The following MAPKAP1 variants were observed in gnomAD, a reference collection of about 807,000 sequenced individuals.
The protein encoded by MAPKAP1 is target of rapamycin complex 2 subunit MAPKAP1.
Under a neutral mutation model 65.7 loss-of-function variants are expected in MAPKAP1, and 20 were observed. That is an observed-to-expected ratio of 0.30 (90% CI 0.21 to 0.44). The LOEUF is 0.44. Among genes scored for constraint, MAPKAP1 ranks in the 20% least tolerant of loss-of-function variants. The pLI, the probability that MAPKAP1 is intolerant of heterozygous loss-of-function variation, is 1.00. For synonymous variants in MAPKAP1, 222 were observed against 244.3 expected, an observed-to-expected ratio of 0.91 and a Z score of 0.85; for missense variants, 423 against 648.0, an observed-to-expected ratio of 0.65 and a Z score of 3.77.
intron 9 of MAPKAP1, among the ~76,000 whole-genome samples, chr9:125,469,213 C>T (rs529663385): frequency 2.0e-5 from 3 of 151,854 alleles, no homozygotes; most frequent in Non-Finnish European, 4.4e-5. Flanking sequence ...ATTAAAATAA[C>T]CAAATGTACA....
At chr9:125,655,803 C>T (rs557776807) in intron 4 of MAPKAP1, among the ~76,000 whole-genome samples, 222 of 152,346 alleles carry the variant, frequency 1.5e-3, no homozygotes, top group African/African-American at 5.2e-3. Flanking sequence ...ATAATGGTGA[C>T]TGCTCTGCAC....
At chr9:125,483,684 C>T (rs1299991939) in intron 9 of MAPKAP1, among the ~76,000 whole-genome samples, 1 of 152,118 alleles carries the variant, frequency 6.6e-6, no homozygotes, top group Non-Finnish European at 1.5e-5. Flanking sequence ...AGGGTTTGCT[C>T]CTGGCACCAC....
intron 10 of MAPKAP1, among the ~76,000 whole-genome samples, chr9:125,453,064 A>G (rs1301611261): frequency 6.6e-6 from 1 of 152,086 alleles, no homozygotes; most frequent in Non-Finnish European, 1.5e-5. Flanking sequence ...TTATTTATTT[A>G]TTTATTTTTC....
rs181158557 is a variant in MAPKAP1, at chr9:125,492,097, G to A, written c.1067-7514C>T. On this transcript the variant is annotated intron_variant, in intron 8 of 11. Coordinates refer to ENST00000265960, the MANE Select transcript of MAPKAP1 (RefSeq NM_001006617.3). ...TGCACACCTGTAGTCCCAGCTGCTCGGGAGGTAGAGATGAGAGGATCACTT... is the reference window on the plus strand; with the variant it reads ...TGCACACCTGTAGTCCCAGCTGCTCAGGAGGTAGAGATGAGAGGATCACTT... 4.5e-3 allele frequency among the ~76,000 whole-genome samples: 678 copies of A among 151,442 alleles called. 4 individuals are homozygous for A. The highest frequency in any genetic ancestry group is 0.015 in the African/African-American group (633 of 41,274).
chr9:125,464,530 CAAAT>C (rs1367985185), intron 10 of MAPKAP1, among the ~76,000 whole-genome samples: 1 of 152,168 alleles, frequency 6.6e-6, no homozygotes, highest in Non-Finnish European at 1.5e-5. Context: ...CACAGATTCT[CAAAT>C]AACTCTTTTA....
At chr9:125,441,811 CTAAG>C (rs1347082036) in intron 11 of MAPKAP1, among the ~76,000 whole-genome samples, 1 of 152,118 alleles carries the variant, frequency 6.6e-6, no homozygotes. Context: ...GTGGATAAAA[CTAAG>C]TATTCCAATT....
At chr9:125,544,140 A>T (rs1830349556) in intron 6 of MAPKAP1, among the ~76,000 whole-genome samples, 1 of 152,022 alleles carries the variant, frequency 6.6e-6, no homozygotes, top group South Asian at 2.1e-4. Context: ...CCTCTCCAGG[A>T]GCTGAGATTA....
chr9:125,521,146 T>C (rs1235721008), intron 7 of MAPKAP1, among the ~76,000 whole-genome samples: 1 of 152,232 alleles, frequency 6.6e-6, no homozygotes, highest in African/African-American at 2.4e-5. Flanking sequence ...GCCTCATATA[T>C]GCGGTTGTAG....
chr9:125,572,276 G>C (rs1271685411), intron 5 of MAPKAP1, among the ~76,000 whole-genome samples: 1 of 152,082 alleles, frequency 6.6e-6, no homozygotes, highest in Admixed American at 6.5e-5. Flanking sequence ...TCAACTAATA[G>C]GTATTTGAGG....
intron 1 of MAPKAP1, among the ~76,000 whole-genome samples, chr9:125,682,544 C>T (rs187005275): frequency 2.0e-5 from 3 of 152,330 alleles, no homozygotes; most frequent in South Asian, 4.1e-4. Context: ...CCAGCTGTTA[C>T]AAGAAATCTG....
chr9:125,446,033 A>T (rs1852700870), intron 10 of MAPKAP1, among the ~76,000 whole-genome samples: 1 of 152,170 alleles, frequency 6.6e-6, no homozygotes, highest in African/African-American at 2.4e-5. Flanking sequence ...CCTTTCTATT[A>T]GTCCTTCTCA....
intron 1 of MAPKAP1, chr9:125,696,186 T>C (rs1218706937): frequency 6.6e-6 from 1 of 151,782 alleles, no homozygotes; most frequent in Non-Finnish European, 1.5e-5. Context: ...GAGACAGACA[T>C]TCACATTTGT....
At chr9:125,684,929 T>C (rs1675884981) in intron 1 of MAPKAP1, among the ~76,000 whole-genome samples, 1 of 152,212 alleles carries the variant, frequency 6.6e-6, no homozygotes, top group African/African-American at 2.4e-5. Context: ...CCCATCGGCC[T>C]CCCAGGGCGT....
chr9:125,553,426 C>G (rs753158890), intron 6 of MAPKAP1, among the ~76,000 whole-genome samples: 3 of 152,004 alleles, frequency 2.0e-5, no homozygotes, highest in Non-Finnish European at 2.9e-5. Flanking sequence ...CCTGTAATCA[C>G]AGCTACTCGG....
At chr9:125,688,388 T>G (rs1227235987) in intron 1 of MAPKAP1, among the ~76,000 whole-genome samples, 1 of 152,190 alleles carries the variant, frequency 6.6e-6, no homozygotes, top group Non-Finnish European at 1.5e-5. Context: ...TCTGCCGGCC[T>G]CGGCCTCCCA....
At chr9:125,524,715 C>T (rs949729884) in intron 7 of MAPKAP1, among the ~76,000 whole-genome samples, 1 of 152,226 alleles carries the variant, frequency 6.6e-6, no homozygotes, top group Admixed American at 6.5e-5. Context: ...ATTTGCCTTG[C>T]TAATAACAGT....
chr9:125,459,911 A>G (rs1035345267), intron 10 of MAPKAP1, among the ~76,000 whole-genome samples: 5 of 148,860 alleles, frequency 3.4e-5, no homozygotes, highest in African/African-American at 1.2e-4. Context: ...ACACACTTTG[A>G]TTTTAATGAA....
At chr9:125,506,180 C>T in intron 8 of MAPKAP1, 130 bp downstream of exon 8, 1 of 759,864 alleles carries the variant, frequency 1.3e-6, no homozygotes, top group South Asian at 1.5e-5. Flanking sequence ...ACGAAGACTG[C>T]AGTCTGCCTT....
chr9:125,529,320 G>A (rs1328724097), intron 7 of MAPKAP1, among the ~76,000 whole-genome samples: 1 of 151,912 alleles, frequency 6.6e-6, no homozygotes, highest in African/African-American at 2.4e-5. Context: ...AGCTCTCTGA[G>A]TTCACCCAAC....
Sources: gnomAD v4.1 joint callset for allele counts (sites outside exome capture counted in the v4.1 genomes callset) on GRCh38, gnomAD v4.1.1 for gene constraint, MANE v1.5 for transcripts, NCBI Gene and HGNC (gene_info 2026-07-23, HGNC 2026-07-21) for gene names.